Variants in TECRL observed in about 807,000 individuals in gnomAD.
TECRL encodes the protein trans-2,3-enoyl-CoA reductase like, also known as trans-2,3-enoyl-CoA reductase-like.
TECRL carries 63 observed loss-of-function variants against 52.8 expected under a neutral mutation model. The ratio of observed to expected loss-of-function variants is 1.19; its 90% confidence interval spans 0.97 to 1.47. The LOEUF (loss-of-function observed/expected upper bound fraction) is 1.47, where lower values mean the gene tolerates loss of function less well. Ranked by LOEUF, TECRL falls within the 40% of genes most tolerant of loss-of-function variation. The pLI, the probability that TECRL is intolerant of heterozygous loss-of-function variation, is 0.00. For missense variants in TECRL, 482 were observed against 429.6 expected, an observed-to-expected ratio of 1.12 and a Z score of -1.08; for synonymous variants, 164 against 141.9, an observed-to-expected ratio of 1.16 and a Z score of -1.10.
intron 1 of TECRL, among the ~76,000 whole-genome samples, chr4:64,406,157 CG>C (rs1724708753): frequency 2.1e-5 from 3 of 144,336 alleles, no homozygotes; most frequent in Admixed American, 7.0e-5. Flanking sequence ...GGCGCGCGCG[CG>C]CGCGCGCGTG....
chr4:64,322,447 T>C (rs955958655), intron 4 of TECRL, among the ~76,000 whole-genome samples: 11 of 144,164 alleles, frequency 7.6e-5, no homozygotes, highest in African/African-American at 2.7e-4. Context: ...TAGAGTGGGT[T>C]GACTTTAAAA....
chr4:64,403,801 A>AG (rs1162114049), intron 1 of TECRL, among the ~76,000 whole-genome samples: 1 of 150,698 alleles, frequency 6.6e-6, no homozygotes, highest in Non-Finnish European at 1.5e-5. Flanking sequence ...GAGGAGGAAA[A>AG]GGGGGGCAGG....
At chr4:64,350,096 T>A (rs1319156742) in intron 2 of TECRL, among the ~76,000 whole-genome samples, 2 of 86,666 alleles carry the variant, frequency 2.3e-5, no homozygotes, top group African/African-American at 6.3e-5. Context: ...GAAGCAGTGC[T>A]GGGCATTTAC....
At chr4:64,381,626 T>C (rs1722800774) in intron 1 of TECRL, among the ~76,000 whole-genome samples, 1 of 152,126 alleles carries the variant, frequency 6.6e-6, no homozygotes, top group Non-Finnish European at 1.5e-5. Flanking sequence ...TATTAAATGT[T>C]TTATCTGTAT....
At chr4:64,314,241 A>G (rs968185624) in intron 5 of TECRL, among the ~76,000 whole-genome samples, 80 of 151,998 alleles carry the variant, frequency 5.3e-4, no homozygotes, top group Non-Finnish European at 7.8e-4. Flanking sequence ...TACTTAGGTC[A>G]TTATTTCTTT....
At chr4:64,284,620 G>C (rs1370732241) in intron 9 of TECRL, among the ~76,000 whole-genome samples, 1 of 151,998 alleles carries the variant, frequency 6.6e-6, no homozygotes, top group Non-Finnish European at 1.5e-5. Flanking sequence ...GAAAATCAAG[G>C]CAGTTCCAAT....
intron 4 of TECRL, 59 bp from the exon 5 acceptor site, chr4:64,314,822 T>G: frequency 8.1e-7 from 1 of 1,239,478 alleles, no homozygotes; most frequent in Non-Finnish European, 1.2e-6. Context: ...AAGGTTCATT[T>G]GTGTCTATGA....
At chr4:64,339,600 C>T (rs538495733) in intron 2 of TECRL, among the ~76,000 whole-genome samples, 2 of 152,064 alleles carry the variant, frequency 1.3e-5, no homozygotes, top group African/African-American at 4.8e-5. Flanking sequence ...ACATCCTCTC[C>T]TCCACTATTT....
intron 3 of TECRL, among the ~76,000 whole-genome samples, chr4:64,324,510 G>A (rs116396296): frequency 0.014 from 2,172 of 151,792 alleles, 63 homozygotes; most frequent in African/African-American, 0.049. Flanking sequence ...AAGTTAATTT[G>A]CATCTACCAT....
At chr4:64,394,337 G>T (rs954960192) in intron 1 of TECRL, among the ~76,000 whole-genome samples, 3 of 152,064 alleles carry the variant, frequency 2.0e-5, no homozygotes, top group East Asian at 3.9e-4. Flanking sequence ...CCTCATTGTT[G>T]TGTAGCTAGA....
intron 2 of TECRL, among the ~76,000 whole-genome samples, chr4:64,332,794 G>A (rs1475102828): frequency 6.6e-6 from 1 of 152,004 alleles, no homozygotes; most frequent in Non-Finnish European, 1.5e-5. Flanking sequence ...CCCAACTAAA[G>A]CAAAGAGAGA....
intron 4 of TECRL, among the ~76,000 whole-genome samples, 180 bp from the exon 5 acceptor site, chr4:64,314,943 T>A (rs1717384856): frequency 6.6e-6 from 1 of 152,156 alleles, no homozygotes; most frequent in African/African-American, 2.4e-5. Flanking sequence ...AAGCCTAATA[T>A]ATGTATAGTT....
chr4:64,376,124 G>C (rs989904764), intron 1 of TECRL, among the ~76,000 whole-genome samples: 19 of 151,766 alleles, frequency 1.3e-4, no homozygotes, highest in Non-Finnish European at 4.4e-5. Context: ...TAGTCCATAA[G>C]AATTGTTACA....
chr4:64,342,433 A>ATG lies in TECRL; in HGVS notation c.287-13879_287-13878dup, dbSNP rs144001005. On this transcript the variant is annotated intron_variant, in intron 2 of 11. Transcript: ENST00000381210. ...CTTGGTAGTAGTTTTATATATATAT[A>ATG]TGTGTGTGTGTGTGTGTATGTGTGT... 1.6e-3 allele frequency among the ~76,000 whole-genome samples: 244 copies of ATG among 149,638 alleles called. 1 individual carries two copies. Among genetic ancestry groups the ATG allele is most frequent in the Middle Eastern group, 0.01 (3 of 290 alleles).
intron 3 of TECRL, 85 bp downstream of exon 3, chr4:64,328,427 G>T: frequency 8.7e-7 from 1 of 1,147,578 alleles, no homozygotes; most frequent in Non-Finnish European, 1.3e-6. Flanking sequence ...TTGTATATTT[G>T]CAAAGTGATA....
intron 1 of TECRL, among the ~76,000 whole-genome samples, chr4:64,392,802 T>G: frequency 6.6e-6 from 1 of 152,020 alleles, no homozygotes; most frequent in East Asian, 1.9e-4. Context: ...TGCTGTACTT[T>G]ATAAGTTACT....
intron 2 of TECRL, among the ~76,000 whole-genome samples, chr4:64,341,887 G>A (rs1719600243): frequency 6.6e-6 from 1 of 152,168 alleles, no homozygotes; most frequent in Non-Finnish European, 1.5e-5. Flanking sequence ...CTACCCTGTG[G>A]CAGGAGCCAG....
intron 2 of TECRL, among the ~76,000 whole-genome samples, chr4:64,333,887 G>A (rs993350552): frequency 3.5e-5 from 5 of 141,740 alleles, no homozygotes; most frequent in Non-Finnish European, 4.6e-5. Flanking sequence ...AGCCGGGCGC[G>A]GTGGCGGGCG....
chr4:64,394,907 A>ATTTT (rs751448355), intron 1 of TECRL, among the ~76,000 whole-genome samples: 34 of 105,094 alleles, frequency 3.2e-4, no homozygotes, highest in African/African-American at 8.1e-4. Flanking sequence ...ATTAACAAGC[A>ATTTT]TTTTTTTTTT....
Sources: allele counts gnomAD v4.1 joint callset (sites outside exome capture counted in the v4.1 genomes callset), GRCh38; gene constraint gnomAD v4.1.1; transcripts MANE v1.5; gene names NCBI Gene and HGNC (gene_info 2026-07-23, HGNC 2026-07-21).